The following SSBP3 variants were observed in gnomAD, a reference collection of about 807,000 sequenced individuals.
SSBP3 encodes single-stranded DNA-binding protein 3.
Under a neutral mutation model 69.6 loss-of-function variants are expected in SSBP3, and 5 were observed. The ratio of observed to expected loss-of-function variants is 0.07; its 90% CI spans 0.04 to 0.15. The LOEUF (loss-of-function observed/expected upper bound fraction) is 0.15, where lower values mean the gene tolerates loss of function less well. Ranked by LOEUF, SSBP3 falls within the 10% of genes least tolerant of loss-of-function variation. The pLI is 1.00. For missense variants in SSBP3, 312 were observed against 534.0 expected (o/e 0.58, Z 4.10); for synonymous variants, 196 against 193.4 (o/e 1.01, Z -0.11).
intron 5 of SSBP3, among the ~76,000 whole-genome samples, chr1:54,272,583 G>A (rs1463556205): frequency 6.6e-6 from 1 of 151,788 alleles, no homozygotes; most frequent in African/African-American, 2.4e-5. Context: ...CAGCTATGAA[G>A]AGACAAAACA....
intron 9 of SSBP3, among the ~76,000 whole-genome samples, chr1:54,244,102 G>A (rs1489503674): frequency 2.0e-5 from 3 of 151,250 alleles, no homozygotes; most frequent in Non-Finnish European, 4.4e-5. Flanking sequence ...ACTAATTTTC[G>A]ATGATTTTTT....
At chr1:54,253,174 G>T (rs75685823) in intron 7 of SSBP3, among the ~76,000 whole-genome samples, 2,111 of 135,030 alleles carry the variant, frequency 0.016, 28 homozygotes, top group African/African-American at 0.032. Flanking sequence ...ATTTGTTTTT[G>T]TTTTTTTTTT....
intron 4 of SSBP3, among the ~76,000 whole-genome samples, chr1:54,323,561 C>T (rs1646251283): frequency 6.6e-6 from 1 of 152,194 alleles, no homozygotes; most frequent in African/African-American, 2.4e-5. Context: ...CTGCTCTTGG[C>T]CTCACCTCAC....
At chr1:54,306,219 C>G (rs1645898741) in intron 4 of SSBP3, among the ~76,000 whole-genome samples, 1 of 152,088 alleles carries the variant, frequency 6.6e-6, no homozygotes, top group South Asian at 2.1e-4. Context: ...GGGTCCCTCC[C>G]AAGGAGTGAG....
In SSBP3 at chr1:54,401,950, G is replaced by A. The variant is rs762758395; in HGVS notation, c.192-5C>T. 78 of 1,612,566 alleles carry A rather than the reference G, an allele frequency of 4.8e-5. No homozygotes were observed. The highest frequency in any genetic ancestry group is 2.2e-5 in the Non-Finnish European group (26 of 1,178,904). On this transcript the variant is annotated splice_region_variant and splice_polypyrimidine_tract_variant and intron_variant, in intron 3 of 17. Transcript: ENST00000610401. ...CAGTAAAGGTCCCAAAATACACTGCGAGGAGGAAAATAAAATAAGGTCAGG... is the reference window on the plus strand; with the variant it reads ...CAGTAAAGGTCCCAAAATACACTGCAAGGAGGAAAATAAAATAAGGTCAGG...
upstream of SSBP3, among the ~76,000 whole-genome samples, chr1:54,406,897 T>G (rs1190251193): frequency 2.7e-5 from 4 of 150,678 alleles, no homozygotes; most frequent in Non-Finnish European, 5.9e-5. Context: ...CCTCCGCTCT[T>G]GGTTGTCCTC....
intron 4 of SSBP3, among the ~76,000 whole-genome samples, chr1:54,356,978 G>A (rs1646878892): frequency 6.6e-6 from 1 of 152,176 alleles, no homozygotes; most frequent in Admixed American, 6.5e-5. Context: ...TCTCACCGCT[G>A]GGGGTAGAGC....
chr1:54,232,194 T>C (rs1179358842), intron 14 of SSBP3, among the ~76,000 whole-genome samples: 1 of 152,200 alleles, frequency 6.6e-6, no homozygotes, highest in Non-Finnish European at 1.5e-5. Context: ...ACTAGTTAAA[T>C]GATTGATATG....
At chr1:54,272,921 G>C (rs2100828832) in intron 5 of SSBP3, among the ~76,000 whole-genome samples, 1 of 152,360 alleles carries the variant, frequency 6.6e-6, no homozygotes, top group Middle Eastern at 3.4e-3. Context: ...GGCTTCGCCA[G>C]GAGCAGCAGC....
At chr1:54,405,353 C>T in intron 1 of SSBP3, 1 of 192,696 alleles carries the variant, frequency 5.2e-6, no homozygotes, top group Non-Finnish European at 1.1e-5. Flanking sequence ...AGCAAAGCGC[C>T]ACCCTCGTCA....
chr1:54,398,647 T>C (rs1260849496), intron 4 of SSBP3, among the ~76,000 whole-genome samples: 1 of 152,178 alleles, frequency 6.6e-6, no homozygotes, highest in African/African-American at 2.4e-5. Flanking sequence ...CATGGGCTTT[T>C]GTCAACACTC....
intron 4 of SSBP3, among the ~76,000 whole-genome samples, chr1:54,324,765 A>C (rs1416989640): frequency 2.0e-5 from 3 of 152,200 alleles, no homozygotes; most frequent in African/African-American, 4.8e-5. Flanking sequence ...GCGTCAAGGC[A>C]TCCAGTGGCC....
chr1:54,404,845 G>A lies in SSBP3; in HGVS notation c.129+13C>T. 2 of 1,599,912 alleles carry A rather than the reference G, an allele frequency of 1.3e-6. No individual in the cohort carries two copies. The highest frequency in any genetic ancestry group is 2.2e-5 in the East Asian group (1 of 44,680). On this transcript the variant is annotated intron_variant, in intron 2 of 17. Transcript: ENST00000610401. Reference sequence around the variant, plus strand: ...GTGTCAAGAAATTGGATGCTGGGGGGAGTCCCACTCACCTCCGATAAGAAG... The same window carrying A: ...GTGTCAAGAAATTGGATGCTGGGGGAAGTCCCACTCACCTCCGATAAGAAG...
intron 7 of SSBP3, 55 bp from the exon 8 acceptor site, chr1:54,251,915 G>A (rs1418731969): frequency 4.6e-5 from 69 of 1,499,134 alleles, no homozygotes; most frequent in Non-Finnish European, 6.0e-5. Flanking sequence ...GCTGGCCATG[G>A]GGACAGGCAT....
intron 4 of SSBP3, among the ~76,000 whole-genome samples, chr1:54,296,402 A>G (rs867674292): frequency 2.6e-5 from 4 of 152,144 alleles, no homozygotes; most frequent in South Asian, 2.1e-4. Context: ...TTTTTCTTCT[A>G]TTTTTGTCTA....
intron 17 of SSBP3, 38 bp downstream of exon 17, chr1:54,228,217 C>T (rs139138239): frequency 2.3e-5 from 36 of 1,584,702 alleles, no homozygotes; most frequent in African/African-American, 5.4e-5. Flanking sequence ...GTCCCCAGGC[C>T]GTGGGGACGA....
intron 4 of SSBP3, among the ~76,000 whole-genome samples, chr1:54,314,984 T>C (rs1462876989): frequency 6.6e-6 from 1 of 152,094 alleles, no homozygotes; most frequent in Non-Finnish European, 1.5e-5. Context: ...GCCCTGATCA[T>C]CCATGGCACC....
intron 4 of SSBP3, among the ~76,000 whole-genome samples, chr1:54,318,437 G>C (rs1313441555): frequency 6.6e-6 from 1 of 150,396 alleles, no homozygotes; most frequent in East Asian, 1.9e-4. Flanking sequence ...GTAGGATTAA[G>C]TTTTTTTTTT....
chr1:54,243,373 G>C, intron 9 of SSBP3, 74 bp from the exon 10 acceptor site: 1 of 1,535,976 alleles, frequency 6.5e-7, no homozygotes, highest in Non-Finnish European at 9.0e-7. Flanking sequence ...GAAACAAACA[G>C]ACAAAACATA....
Sources: allele counts gnomAD v4.1 joint callset (sites outside exome capture counted in the v4.1 genomes callset), GRCh38; gene constraint gnomAD v4.1.1; transcripts MANE v1.5; gene names NCBI Gene and HGNC (gene_info 2026-07-23, HGNC 2026-07-21).